The following BRINP3 variants were observed in gnomAD, a reference collection of about 807,000 sequenced individuals.
BRINP3 encodes BMP/retinoic acid inducible neural specific 3.
In BRINP3, 19 loss-of-function variants were observed where a neutral mutation model predicts 71.0. The ratio of observed to expected loss-of-function variants is 0.27; its 90% confidence interval spans 0.19 to 0.39. The LOEUF (loss-of-function observed/expected upper bound fraction) is 0.39. Ranked by LOEUF, BRINP3 falls within the 10% of genes least tolerant of loss-of-function variation. The probability of loss-of-function intolerance (pLI) is 1.00; values close to 1 mark genes in which losing one functional copy is unlikely to be tolerated. For missense variants in BRINP3, 959 were observed against 940.8 expected (o/e 1.02, Z -0.25); for synonymous variants, 380 against 337.7 (o/e 1.13, Z -1.37).
At chr1:190,234,263 T>A in intron 5 of BRINP3, 109 bp downstream of exon 5, 1 of 579,518 alleles carries the variant, frequency 1.7e-6, no homozygotes, top group South Asian at 4.7e-5. Flanking sequence ...ATGAGAGTTT[T>A]TAATAGCCTG....
intron 6 of BRINP3, among the ~76,000 whole-genome samples, chr1:190,163,080 C>T (rs1651159204): frequency 6.6e-6 from 1 of 152,038 alleles, no homozygotes; most frequent in Non-Finnish European, 1.5e-5. Context: ...GGAAATATTC[C>T]TGTGGATATC....
chr1:190,295,828 G>A (rs1664206200), intron 2 of BRINP3, among the ~76,000 whole-genome samples: 1 of 152,042 alleles, frequency 6.6e-6, no homozygotes, highest in Admixed American at 6.6e-5. Context: ...ATCAAGAAGG[G>A]GTGGTTTAGA....
At chr1:190,325,424 AG>A (rs1666516158) in intron 2 of BRINP3, among the ~76,000 whole-genome samples, 1 of 152,034 alleles carries the variant, frequency 6.6e-6, no homozygotes, top group African/African-American at 2.4e-5. Flanking sequence ...AAATGATAAA[AG>A]TCAGCAAACT....
chr1:190,098,138 C>T lies in BRINP3; in HGVS notation c.2181G>A (p.Leu727=). ...TAGACAGCTTGAGTCTATGACGAAG[C>T]AAGCAAGAGAAAAGATCTAGACGAC... ...GQRRLDLFSC[L]LRHRLKLSTS... Residue 727 remains leucine, a synonymous_variant, in exon 8 of 8, where the codon TTG becomes TTA. Coordinates refer to ENST00000367462, the MANE Select transcript of BRINP3 (RefSeq NM_199051.3). 1.2e-6 allele frequency: 2 copies of T among 1,614,126 alleles called. No individual in the cohort carries two copies. The highest frequency in any genetic ancestry group is 1.7e-6 in the Non-Finnish European group (2 of 1,180,016).
chr1:190,327,167 T>C (rs1666634889), intron 2 of BRINP3, among the ~76,000 whole-genome samples: 1 of 150,406 alleles, frequency 6.6e-6, no homozygotes, highest in Admixed American at 6.6e-5. Flanking sequence ...ATACAAAAAT[T>C]AGACAGGCGT....
intron 2 of BRINP3, among the ~76,000 whole-genome samples, chr1:190,404,238 A>G (rs1419826510): frequency 3.9e-5 from 6 of 152,192 alleles, no homozygotes; most frequent in African/African-American, 1.2e-4. Context: ...AACTCATACT[A>G]TCAGTACACC....
At chr1:190,268,084 C>A (rs1313092440) in intron 3 of BRINP3, among the ~76,000 whole-genome samples, 1 of 151,774 alleles carries the variant, frequency 6.6e-6, no homozygotes, top group Non-Finnish European at 1.5e-5. Flanking sequence ...ATCTCATGAC[C>A]AATAGGATAA....
At chr1:190,158,573 A>G (rs992638277) in intron 7 of BRINP3, among the ~76,000 whole-genome samples, 1 of 152,072 alleles carries the variant, frequency 6.6e-6, no homozygotes, top group African/African-American at 2.4e-5. Flanking sequence ...CAATATACCT[A>G]TAAAACAAAT....
chr1:190,134,379 T>C (rs1267869723), intron 7 of BRINP3, among the ~76,000 whole-genome samples: 1 of 152,080 alleles, frequency 6.6e-6, no homozygotes, highest in Non-Finnish European at 1.5e-5. Flanking sequence ...AGCAGGATTA[T>C]GTTAGTCGTA....
intron 6 of BRINP3, among the ~76,000 whole-genome samples, chr1:190,216,306 A>G (rs950047452): frequency 6.6e-6 from 1 of 151,604 alleles, no homozygotes; most frequent in Non-Finnish European, 1.5e-5. Flanking sequence ...GGTTACTACT[A>G]TTGTGAGGTT....
At chr1:190,426,253 T>G (rs1673699573) in intron 2 of BRINP3, among the ~76,000 whole-genome samples, 1 of 151,730 alleles carries the variant, frequency 6.6e-6, no homozygotes, top group African/African-American at 2.4e-5. Context: ...ACTATGCCAT[T>G]TTATATGAGA....
Position 190,353,822 on chromosome 1 carries a change from A to T in BRINP3, c.237-72072T>A, listed in dbSNP as rs1036961743. On this transcript the variant is annotated intron_variant, in intron 2 of 7. Coordinates refer to ENST00000367462, the MANE Select transcript of BRINP3 (RefSeq NM_199051.3). ...TGCCCATATTACACCATCTCCACAT[A>T]CACTACCTTTAGTTTAATGGGGTCA... is the stretch of plus-strand genomic sequence containing the variant. Among the ~76,000 whole-genome samples, 11 of 151,954 alleles carry T rather than the reference A, an allele frequency of 7.2e-5. No individual in the cohort carries two copies. In the East Asian group the frequency reaches 2.1e-3, roughly 29 times the overall value.
At chr1:190,099,297 TACACAC>T (rs56359524) in intron 7 of BRINP3, among the ~76,000 whole-genome samples, 163 bp from the exon 8 acceptor site, 69,804 of 149,268 alleles carry the variant, frequency 0.47, 16,329 homozygotes, top group South Asian at 0.53. Context: ...GACTATATAA[TACACAC>T]ACACACACAC....
chr1:190,455,193 G>C (rs757436963), intron 1 of BRINP3, among the ~76,000 whole-genome samples: 3 of 151,904 alleles, frequency 2.0e-5, no homozygotes, highest in Non-Finnish European at 2.9e-5. Flanking sequence ...TTATTCAGTG[G>C]ATCATTAAAG....
chr1:190,242,298 T>C (rs1659177636), intron 4 of BRINP3, among the ~76,000 whole-genome samples: 4 of 152,008 alleles, frequency 2.6e-5, no homozygotes, highest in Admixed American at 2.6e-4. Flanking sequence ...AATGCAAAAT[T>C]TTCTTGCATC....
intron 2 of BRINP3, among the ~76,000 whole-genome samples, chr1:190,302,262 TTA>T (rs970539896): frequency 2.7e-5 from 4 of 147,246 alleles, no homozygotes; most frequent in Non-Finnish European, 6.0e-5. Context: ...TATATATATT[TTA>T]TATATATATA....
chr1:190,102,485 G>A (rs2102247669), intron 7 of BRINP3, among the ~76,000 whole-genome samples: 1 of 152,212 alleles, frequency 6.6e-6, no homozygotes, highest in East Asian at 1.9e-4. Context: ...CGGTCTACTT[G>A]GGCTAAGAAT....
chr1:190,186,732 G>A (rs1001114814), intron 6 of BRINP3, among the ~76,000 whole-genome samples: 1 of 151,948 alleles, frequency 6.6e-6, no homozygotes, highest in African/African-American at 2.4e-5. Context: ...AAAAATTCAT[G>A]GGCAGAAACT....
chr1:190,255,174 C>G (rs1660542592), intron 4 of BRINP3, among the ~76,000 whole-genome samples: 1 of 151,592 alleles, frequency 6.6e-6, no homozygotes, highest in African/African-American at 2.4e-5. Context: ...ATTCGGTTTG[C>G]CAGTATTTCG....
Sources: gnomAD v4.1 joint callset for allele counts (sites outside exome capture counted in the v4.1 genomes callset) on GRCh38, gnomAD v4.1.1 for gene constraint, MANE v1.5 for transcripts, NCBI Gene and HGNC (gene_info 2026-07-23, HGNC 2026-07-21) for gene names.